SMG7: variants seen among roughly 807,000 people sequenced by gnomAD.
SMG7 encodes the protein nonsense-mediated mRNA decay factor SMG7.
A neutral mutation model predicts 148.2 loss-of-function variants in SMG7; 34 were observed. That is an observed-to-expected ratio of 0.23 (90% CI 0.17 to 0.31). The LOEUF is 0.31. SMG7 is among the 10% of genes least tolerant of loss of function. SMG7 has a pLI of 1.00. For missense variants in SMG7, 1,114 were observed against 1,408.4 expected (o/e 0.79, Z 3.35); for synonymous variants, 492 against 515.1 (o/e 0.96, Z 0.61).
chr1:183,540,233 A>G (rs969327949), intron 12 of SMG7, among the ~76,000 whole-genome samples: 12 of 152,174 alleles, frequency 7.9e-5, no homozygotes, highest in African/African-American at 1.4e-4. Flanking sequence ...GTATCACTCT[A>G]TGAAACCTTT....
chr1:183,477,711 C>T lies in SMG7; in HGVS notation c.29+5062C>T, dbSNP rs896306135. Among the ~76,000 whole-genome samples, 83 of 110,582 alleles carry T rather than the reference C, an allele frequency of 7.5e-4. 5 individuals carry two copies. Among genetic ancestry groups the T allele is most frequent in the African/African-American group, 2.7e-3 (76 of 27,676 alleles). The allele number at this position is 110,582 out of a possible 152,430, so 72.5% of individuals were successfully genotyped here. ...GCATATGTGTATATATGCATATATACGTGTGTGCATGTGTATATATGCATA... is the reference window on the plus strand; with the variant it reads ...GCATATGTGTATATATGCATATATATGTGTGTGCATGTGTATATATGCATA... On this transcript the variant is annotated intron_variant, in intron 1 of 22. Transcript: ENST00000688051.
At position 183,542,303 on chromosome 1, in the gene SMG7, A is replaced by C; in HGVS notation, c.1643A>C (p.Lys548Thr). The C allele has an allele frequency of 1.2e-6, 2 of 1,614,148 alleles. No individual in the cohort carries two copies. The highest frequency in any genetic ancestry group is 1.7e-6 in the Non-Finnish European group (2 of 1,180,010). ...DTGEKPVVTF[K>T]ENIKTREVNR... The stretch of plus-strand genomic sequence containing the variant: ...GGAGAGAAGCCAGTGGTTACCTTCA[A>C]AGAAAACATTAAGACACGAGAAGTG... Residue 548 changes from lysine to threonine, a missense_variant, in exon 14 of 23, where the codon AAA becomes ACA. This residue lies in a region of SMG7 where 788 missense variants were observed against 894.5 expected (regional missense o/e 0.88). Transcript: ENST00000688051.
At chr1:183,484,865 A>G (rs1655045096) in intron 1 of SMG7, among the ~76,000 whole-genome samples, 1 of 152,162 alleles carries the variant, frequency 6.6e-6, no homozygotes, top group South Asian at 2.1e-4. Flanking sequence ...ACCATCTGCC[A>G]TATAGCTTCT....
Position 183,549,239 on chromosome 1 carries a change from T to G in SMG7, c.2924T>G (p.Met975Arg), listed in dbSNP as rs138963951. 6 of 1,613,870 alleles carry G rather than the reference T, an allele frequency of 3.7e-6. No individual in the cohort carries two copies. Among genetic ancestry groups the G allele is most frequent in the Non-Finnish European group, 4.2e-6 (5 of 1,179,792 alleles). Reference protein sequence around the residue: ...KSLLEKPSELMSHSSSFLSLT... With the variant: ...KSLLEKPSELRSHSSSFLSLT... ...TTATTGGAGAAGCCCTCAGAGCTCA[T>G]GTCACATTCATCCTCTTTCCTGTCC... Residue 975 changes from methionine (M) to arginine (R), a missense_variant, in exon 19 of 23, where the codon ATG (methionine) becomes AGG (arginine). Met to Arg is a moderately conservative substitution (Grantham distance 91). Coordinates refer to ENST00000688051, the MANE Select transcript of SMG7 (RefSeq NM_001375584.1).
intron 11 of SMG7, 108 bp downstream of exon 11, chr1:183,537,323 C>T (rs1572048318): frequency 1.3e-6 from 1 of 782,536 alleles, no homozygotes; most frequent in Non-Finnish European, 2.2e-6. Context: ...ATTTTAAATT[C>T]AGTATCTCAG....
chr1:183,505,114 GA>G (rs552970372), intron 1 of SMG7, among the ~76,000 whole-genome samples: 3,492 of 140,102 alleles, frequency 0.025, 58 homozygotes, highest in South Asian at 0.04. Flanking sequence ...ATTGGGAGAA[GA>G]AAAAAAAAAA....
intron 8 of SMG7, among the ~76,000 whole-genome samples, chr1:183,530,640 T>C (rs1572018052): frequency 6.6e-6 from 1 of 152,146 alleles, no homozygotes; most frequent in Admixed American, 6.6e-5. Flanking sequence ...CCTGTATCTT[T>C]CCTGAAGTCA....
At chr1:183,542,996 A>C (rs865795612) in intron 14 of SMG7, among the ~76,000 whole-genome samples, 3 of 145,510 alleles carry the variant, frequency 2.1e-5, no homozygotes, top group South Asian at 2.2e-4. Context: ...AAAATATGAG[A>C]CTTTTTTATT....
chr1:183,506,123 T>C (rs1212412716), intron 1 of SMG7, among the ~76,000 whole-genome samples: 1 of 152,206 alleles, frequency 6.6e-6, no homozygotes, highest in Non-Finnish European at 1.5e-5. Context: ...TTTTTATTGT[T>C]CTGTTATTTC....
intron 4 of SMG7, among the ~76,000 whole-genome samples, chr1:183,519,107 C>T (rs564043820): frequency 1.3e-5 from 2 of 152,206 alleles, no homozygotes; most frequent in South Asian, 2.1e-4. Context: ...GCAGGAGGAT[C>T]ACTTGAGCCC....
At position 183,549,193 on chromosome 1, in the gene SMG7, T is replaced by TC; in HGVS notation, c.2893-14dup. The TC allele has an allele frequency of 6.3e-7, 1 of 1,597,898 alleles. No homozygotes were observed. The highest frequency in any genetic ancestry group is 8.6e-7 in the Non-Finnish European group (1 of 1,165,860). On this transcript the variant is annotated splice_polypyrimidine_tract_variant and intron_variant, in intron 18 of 22. Transcript: ENST00000688051. Reference sequence around the variant, plus strand: ...AAGGTATAACTTAATTACCTTTTTTTCTGGGACTGTGAAGAAATCCTTATT... The same window carrying TC: ...AAGGTATAACTTAATTACCTTTTTTTCCTGGGACTGTGAAGAAATCCTTATT...
intron 1 of SMG7, among the ~76,000 whole-genome samples, chr1:183,509,605 A>T (rs529501768): frequency 2.0e-5 from 3 of 152,298 alleles, no homozygotes; most frequent in African/African-American, 7.2e-5. Context: ...GGTTACTTTT[A>T]AAAAGAAAGC....
chr1:183,547,312 T>C (rs949212195), intron 18 of SMG7, 60 bp downstream of exon 18: 3 of 1,396,694 alleles, frequency 2.1e-6, no homozygotes, highest in Admixed American at 4.6e-5. Context: ...TCTGAGATAC[T>C]GTAGTACACA....
At position 183,542,333 on chromosome 1, in the gene SMG7, G is replaced by A; in HGVS notation, c.1673G>A (p.Arg558Lys). 1 of 1,614,150 alleles carries A rather than the reference G, an allele frequency of 6.2e-7. No homozygotes were observed. The change falls in exon 14 of 23, where the codon AGA becomes AAA. Residue 558 changes from arginine (R) to lysine (K), a missense_variant. Arg to Lys is a conservative substitution (Grantham distance 26). Transcript: ENST00000688051. The stretch of plus-strand genomic sequence containing the variant: ...AACATTAAGACACGAGAAGTGAACA[G>A]AGACCAAGGAAGAAGTTTTCCTCCC... Reference protein sequence around the residue: ...KENIKTREVNRDQGRSFPPKE... With the variant: ...KENIKTREVNKDQGRSFPPKE...
chr1:183,517,615 C>T (rs1171388958), intron 3 of SMG7, 73 bp from the exon 4 acceptor site: 1 of 1,410,318 alleles, frequency 7.1e-7, no homozygotes, highest in Non-Finnish European at 1.0e-6. Flanking sequence ...ACAGTTCTTT[C>T]TTGTTCTCAG....
intron 1 of SMG7, chr1:183,502,457 ACTCTG>A: frequency 1.6e-6 from 2 of 1,289,508 alleles, no homozygotes; most frequent in Non-Finnish European, 2.1e-6. Flanking sequence ...TATTATTCAT[ACTCTG>A]TGAATACTAA....
Position 183,545,161 on chromosome 1 carries a change from C to T in SMG7, c.2219C>T (p.Ser740Phe). Reference protein sequence around the residue: ...NQGPQQSQPPSQQPLTSLPAQ... With the variant: ...NQGPQQSQPPFQQPLTSLPAQ... The stretch of plus-strand genomic sequence containing the variant: ...GGACCTCAACAATCACAGCCACCTT[C>T]CCAGCAACCCCTTACATCTTTACCA... Residue 740 changes from serine to phenylalanine, a missense_variant, in exon 16 of 23, where the codon TCC becomes TTC. Physicochemically the swap from Ser to Phe is radical, Grantham distance 155 (BLOSUM62 -2). Coordinates refer to ENST00000688051, the MANE Select transcript of SMG7 (RefSeq NM_001375584.1). 6.2e-7 allele frequency: 1 copy of T among 1,614,152 alleles called. No homozygotes were observed. Among genetic ancestry groups the T allele is most frequent in the South Asian group, 1.1e-5 (1 of 91,090 alleles).
chr1:183,516,547 T>C (rs573012369), intron 3 of SMG7, among the ~76,000 whole-genome samples: 6 of 152,316 alleles, frequency 3.9e-5, no homozygotes, highest in African/African-American at 1.4e-4. Flanking sequence ...GATAACCAGA[T>C]TCCCAAGTGA....
chr1:183,505,146 C>G (rs1039969401), intron 1 of SMG7, among the ~76,000 whole-genome samples: 1 of 151,906 alleles, frequency 6.6e-6, no homozygotes, highest in Non-Finnish European at 1.5e-5. Context: ...TCTGTTTAGC[C>G]GTGGCCTCCA....
Sources: gnomAD v4.1 joint callset for allele counts (sites outside exome capture counted in the v4.1 genomes callset) on GRCh38, gnomAD v4.1.1 for gene constraint, gnomAD v4.1.1 regional missense constraint, MANE v1.5 for transcripts, NCBI Gene and HGNC (gene_info 2026-07-23, HGNC 2026-07-21) for gene names.